Variants in SYNE1 observed in about 807,000 individuals in gnomAD.
SYNE1 encodes the protein spectrin repeat containing nuclear envelope protein 1.
SYNE1 carries 616 observed loss-of-function variants against 1,111.0 expected under a neutral mutation model. The ratio of observed to expected loss-of-function variants is 0.55; its 90% CI spans 0.52 to 0.59. The LOEUF (loss-of-function observed/expected upper bound fraction) is 0.59. Ranked by LOEUF, SYNE1 falls within the 20% of genes least tolerant of loss-of-function variation. The pLI is 0.00. For synonymous variants in SYNE1, 3,855 were observed against 3,825.8 expected (o/e 1.01, Z -0.28); for missense variants, 10,006 against 10,417.0 (o/e 0.96, Z 1.72).
At position 152,242,348 on chromosome 6, in the gene SYNE1, T is replaced by A; in HGVS notation, c.19785A>T (p.Leu6595=). The A allele has an allele frequency of 6.2e-7, 1 of 1,614,126 alleles. No individual in the cohort carries two copies. Among genetic ancestry groups the A allele is most frequent in the Non-Finnish European group, 8.5e-7 (1 of 1,180,020 alleles). Reference sequence around the variant, plus strand: ...TTTCTAGCAGGTCAGCCAGATCTTGTAGGGCCCTCTCATACTGACTCTTGA... The same window carrying A: ...TTTCTAGCAGGTCAGCCAGATCTTGAAGGGCCCTCTCATACTGACTCTTGA... ...LTLKSQYERA[L]QDLADLLETG... is the part of the protein sequence containing the mutation. Residue 6595 remains leucine (L), a synonymous_variant, in exon 107 of 146, where the codon CTA becomes CTT. Coordinates refer to ENST00000367255, the MANE Select transcript of SYNE1 (RefSeq NM_182961.4).
At chr6:152,240,925 CA>C (rs1480558749) in intron 107 of SYNE1, among the ~76,000 whole-genome samples, 10 of 152,232 alleles carry the variant, frequency 6.6e-5, no homozygotes, top group African/African-American at 2.2e-4. Context: ...TATTTTTAAC[CA>C]ACAATTACCA....
At chr6:152,207,723 A>G (rs377369837) in intron 125 of SYNE1, among the ~76,000 whole-genome samples, 2 of 152,210 alleles carry the variant, frequency 1.3e-5, no homozygotes, top group East Asian at 3.9e-4. Context: ...GCTGGGATTT[A>G]GTGAGCTGCG....
chr6:152,392,848 A>C (rs2097667584), intron 51 of SYNE1, among the ~76,000 whole-genome samples: 1 of 152,238 alleles, frequency 6.6e-6, no homozygotes, highest in African/African-American at 2.4e-5. Flanking sequence ...TGCTTAATGC[A>C]TGATAAAAAT....
intron 4 of SYNE1, among the ~76,000 whole-genome samples, chr6:152,533,865 A>C (rs12523937): frequency 0.039 from 5,968 of 152,216 alleles, 422 homozygotes; most frequent in African/African-American, 0.13. Flanking sequence ...ATGATAAATA[A>C]AATATATTTC....
intron 72 of SYNE1, among the ~76,000 whole-genome samples, chr6:152,349,842 G>T (rs1013238672): frequency 6.6e-6 from 1 of 152,132 alleles, no homozygotes; most frequent in African/African-American, 2.4e-5. Context: ...TTTAAAAAGG[G>T]GAGTTTCCCT....
intron 93 of SYNE1, among the ~76,000 whole-genome samples, chr6:152,299,241 T>C (rs2095045820): frequency 6.6e-6 from 1 of 152,184 alleles, no homozygotes; most frequent in Non-Finnish European, 1.5e-5. Context: ...ACCTAAACCA[T>C]ATTAAATAGA....
chr6:152,433,868 G>C lies in SYNE1; in HGVS notation c.4388C>G (p.Thr1463Ser), dbSNP rs2154210826. The C allele has an allele frequency of 1.2e-6, 2 of 1,613,798 alleles. No homozygotes were observed. The highest frequency in any genetic ancestry group is 8.5e-7 in the Non-Finnish European group (1 of 1,179,798). Residue 1463 changes from threonine to serine, a missense_variant, in exon 34 of 146, where the codon ACT becomes AGT. This residue lies in a region of SYNE1 where 1,971 missense variants were observed against 2,084.1 expected (regional missense o/e 0.95). Coordinates refer to ENST00000367255, the MANE Select transcript of SYNE1 (RefSeq NM_182961.4). The part of the protein sequence containing the change: ...SNFETLSVWI[T>S]EKEKELNALE... ...GGCATTGAGTTCTTTTTCTTTCTCA[G>C]TTATCCAGACGGACAGAGTCTCAAA...
intron 58 of SYNE1, among the ~76,000 whole-genome samples, chr6:152,373,783 C>G (rs2097230644): frequency 6.6e-6 from 1 of 151,914 alleles, no homozygotes; most frequent in South Asian, 2.1e-4. Flanking sequence ...AAATGAAGAC[C>G]AAGGGAAGAT....
intron 48 of SYNE1, among the ~76,000 whole-genome samples, 193 bp from the exon 49 acceptor site, chr6:152,398,924 T>C (rs2097773212): frequency 6.6e-6 from 1 of 152,194 alleles, no homozygotes; most frequent in African/African-American, 2.4e-5. Context: ...TGAATGTTCA[T>C]GGTAGAATTG....
chr6:152,392,849 T>C (rs1218581202), intron 51 of SYNE1, among the ~76,000 whole-genome samples: 2 of 152,332 alleles, frequency 1.3e-5, no homozygotes, highest in South Asian at 4.1e-4. Flanking sequence ...GCTTAATGCA[T>C]GATAAAAATT....
chr6:152,474,645 A>G (rs1008609670), intron 14 of SYNE1: 2 of 152,272 alleles, frequency 1.3e-5, no homozygotes, highest in African/African-American at 4.8e-5. Context: ...CATGCTAGAA[A>G]AATGTCAATA....
chr6:152,451,503 G>A (rs182784454), intron 25 of SYNE1, among the ~76,000 whole-genome samples: 200 of 111,136 alleles, frequency 1.8e-3, no homozygotes, highest in African/African-American at 6.7e-3. Context: ...TTTTTGGTGA[G>A]ATGGAGTCTC....
chr6:152,359,629 G>GGTGGGT (rs1554534480), intron 64 of SYNE1, among the ~76,000 whole-genome samples, 171 bp from the exon 65 acceptor site: 2 of 148,496 alleles, frequency 1.3e-5, no homozygotes, highest in African/African-American at 4.9e-5. Flanking sequence ...TGAATGCATG[G>GGTGGGT]GTGTGTGTGT....
Position 152,309,787 on chromosome 6 carries a change from C to T in SYNE1, c.17202+48G>A, listed in dbSNP as rs377737896. Reference sequence around the variant, plus strand: ...CCACACAATGCTAAGAAAAGAAGCCCATGATTCATCAGCAATTGCTCTACT... The same window carrying T: ...CCACACAATGCTAAGAAAAGAAGCCTATGATTCATCAGCAATTGCTCTACT... On this transcript the variant is annotated intron_variant, in intron 90 of 145. Coordinates refer to ENST00000367255, the MANE Select transcript of SYNE1 (RefSeq NM_182961.4). 2.5e-6 allele frequency: 4 copies of T among 1,608,010 alleles called. No individual in the cohort carries two copies. In the East Asian group the frequency reaches 6.7e-5, roughly 27 times the overall value.
chr6:152,207,723 A>C (rs377369837), intron 125 of SYNE1, among the ~76,000 whole-genome samples: 1 of 152,210 alleles, frequency 6.6e-6, no homozygotes, highest in African/African-American at 2.4e-5. Context: ...GCTGGGATTT[A>C]GTGAGCTGCG....
At chr6:152,324,449 T>G (rs1245181329) in intron 81 of SYNE1, among the ~76,000 whole-genome samples, 1 of 151,640 alleles carries the variant, frequency 6.6e-6, no homozygotes, top group Non-Finnish European at 1.5e-5. Context: ...TCTGCTCATT[T>G]TCAGGTTTCA....
intron 6 of SYNE1, chr6:152,511,645 A>T: frequency 6.4e-7 from 1 of 1,557,166 alleles, no homozygotes; most frequent in Non-Finnish European, 8.9e-7. Context: ...TCATCTTTCA[A>T]AATCAGCATT....
chr6:152,425,651 T>C (rs2098340567), intron 38 of SYNE1, 104 bp from the exon 39 acceptor site: 1 of 1,344,620 alleles, frequency 7.4e-7, no homozygotes, highest in Non-Finnish European at 1.1e-6. Flanking sequence ...TCTTGCAAAA[T>C]GCAAGTCATT....
rs577620830 is a variant in SYNE1, at chr6:152,385,795, A to C, written c.8531T>G (p.Met2844Arg). ...KVEEIVKDHL[M>R]YLDAVHEFTD... ...GAACTCGTGGACCGCATCTAAATAC[A>C]TTAGATGATCTTTCACAATCTCTTC... is the stretch of plus-strand genomic sequence containing the variant. The change falls in exon 55 of 146, where the codon ATG (methionine) becomes AGG (arginine). Residue 2844 changes from methionine to arginine, a missense_variant. Physicochemically the swap from Met to Arg is moderately conservative, Grantham distance 91 (BLOSUM62 -1). Transcript: ENST00000367255. The C allele has an allele frequency of 6.2e-7, 1 of 1,614,070 alleles. No individual in the cohort carries two copies. The highest frequency in any genetic ancestry group is 1.3e-5 in the African/African-American group (1 of 75,058).
Sources: allele counts gnomAD v4.1 joint callset (sites outside exome capture counted in the v4.1 genomes callset), GRCh38; gene constraint gnomAD v4.1.1; regional missense constraint gnomAD v4.1.1; transcripts MANE v1.5; gene names NCBI Gene and HGNC (gene_info 2026-07-23, HGNC 2026-07-21).